SPINK9: variants seen among roughly 807,000 people sequenced by gnomAD.
SPINK9 encodes serine protease inhibitor Kazal-type 9.
Under a neutral mutation model 10.8 loss-of-function variants are expected in SPINK9, and 3 were observed. The observed-to-expected ratio is 0.28, with a 90% confidence interval of 0.13 to 0.72. SPINK9 has a LOEUF of 0.72. Among genes scored for constraint, SPINK9 ranks in the 30% least tolerant of loss-of-function variants. The pLI, the probability that SPINK9 is intolerant of heterozygous loss-of-function variation, is 0.74. For synonymous variants in SPINK9, 30 were observed against 31.2 expected, an observed-to-expected ratio of 0.96 and a Z score of 0.12; for missense variants, 101 against 103.2, an observed-to-expected ratio of 0.98 and a Z score of 0.09.
chr5:148,337,942 A>C (rs1030271270), intron 2 of SPINK9, among the ~76,000 whole-genome samples: 2 of 152,146 alleles, frequency 1.3e-5, no homozygotes, highest in African/African-American at 4.8e-5. Context: ...GTTCCCAACT[A>C]CAATATTAAG....
upstream of SPINK9, among the ~76,000 whole-genome samples, chr5:148,332,646 C>T (rs1233582230): frequency 1.3e-5 from 2 of 152,318 alleles, no homozygotes; most frequent in African/African-American, 2.4e-5. Flanking sequence ...GGCTTTCTCC[C>T]TCTTTTTCAG....
upstream of SPINK9, among the ~76,000 whole-genome samples, chr5:148,332,918 T>A (rs1757169147): frequency 6.6e-6 from 1 of 151,108 alleles, no homozygotes; most frequent in Admixed American, 6.6e-5. Context: ...CATCTTTACC[T>A]CACCTGAGAA....
At chr5:148,324,583 C>G (rs1251380048) in intron 2 of SPINK9, among the ~76,000 whole-genome samples, 1 of 151,958 alleles carries the variant, frequency 6.6e-6, no homozygotes, top group Non-Finnish European at 1.5e-5. Flanking sequence ...AGATATCAGA[C>G]AAACTCAAAT....
upstream of SPINK9, among the ~76,000 whole-genome samples, chr5:148,332,083 G>A (rs183901195): frequency 6.6e-6 from 1 of 152,322 alleles, no homozygotes; most frequent in South Asian, 2.1e-4. Context: ...GAGTACATAT[G>A]AAGTTCTTTG....
At chr5:148,329,051 A>G (rs1348192230) in intron 2 of SPINK9, among the ~76,000 whole-genome samples, 4 of 152,068 alleles carry the variant, frequency 2.6e-5, no homozygotes, top group South Asian at 2.1e-4. Context: ...CTCATTTTCT[A>G]TTGATTGGAA....
intron 2 of SPINK9, among the ~76,000 whole-genome samples, chr5:148,328,905 C>T (rs1451111652): frequency 2.6e-5 from 4 of 152,120 alleles, no homozygotes; most frequent in Admixed American, 2.0e-4. Flanking sequence ...TTCGGTTTGC[C>T]AGTATTTTAT....
chr5:148,323,030 C>A (rs536985750), intron 1 of SPINK9, among the ~76,000 whole-genome samples: 22 of 151,946 alleles, frequency 1.4e-4, no homozygotes, highest in African/African-American at 4.1e-4. Context: ...ATTTTAAAAC[C>A]CGCCTATAAG....
chr5:148,334,840 T>C (rs992972798), upstream of SPINK9, among the ~76,000 whole-genome samples: 2 of 152,056 alleles, frequency 1.3e-5, no homozygotes, highest in Admixed American at 6.6e-5. Context: ...TATGAGATGA[T>C]CAAATGAAGA....
upstream of SPINK9, among the ~76,000 whole-genome samples, chr5:148,332,734 T>C (rs983826389): frequency 1.3e-5 from 2 of 152,180 alleles, no homozygotes; most frequent in Non-Finnish European, 2.9e-5. Flanking sequence ...AGAGCTGGAC[T>C]CATCATAGAG....
chr5:148,327,106 T>C (rs1215994805), intron 2 of SPINK9, among the ~76,000 whole-genome samples: 4 of 152,178 alleles, frequency 2.6e-5, no homozygotes, highest in Non-Finnish European at 5.9e-5. Context: ...CCCACAATGG[T>C]TGAACTAGTT....
intron 2 of SPINK9, 98 bp downstream of exon 2, chr5:148,336,551 A>G: frequency 7.8e-7 from 1 of 1,288,916 alleles, no homozygotes. Flanking sequence ...ATGTTTGAAT[A>G]TTTACTTTAT....
At chr5:148,322,395 C>T (rs1056620231) in intron 1 of SPINK9, among the ~76,000 whole-genome samples, 2 of 152,060 alleles carry the variant, frequency 1.3e-5, no homozygotes, top group Non-Finnish European at 2.9e-5. Context: ...ACAAAATATA[C>T]GTCTTTACTT....
upstream of SPINK9, among the ~76,000 whole-genome samples, chr5:148,334,282 T>G (rs1215549893): frequency 1.3e-5 from 2 of 152,080 alleles, no homozygotes; most frequent in African/African-American, 4.8e-5. Context: ...TTAGTAGGAT[T>G]CTTTACTAAA....
chr5:148,323,778 T>G (rs779523631), exon 2 of SPINK9: 1 of 701,180 alleles, frequency 1.4e-6, no homozygotes, highest in East Asian at 2.7e-5. Context: ...TTCTCATCAT[T>G]GTTTTCATTA....
upstream of SPINK9, among the ~76,000 whole-genome samples, chr5:148,330,584 C>T (rs1338751179): frequency 6.6e-6 from 1 of 152,164 alleles, no homozygotes; most frequent in African/African-American, 2.4e-5. Flanking sequence ...TTAGTTGATG[C>T]AGTTTCTTCC....
At chr5:148,327,845 G>A (rs1481705802) in intron 2 of SPINK9, among the ~76,000 whole-genome samples, 1 of 152,146 alleles carries the variant, frequency 6.6e-6, no homozygotes, top group Non-Finnish European at 1.5e-5. Flanking sequence ...TGAGGGCTCT[G>A]TTCTGTCCCA....
rs199901121 is a variant in SPINK9, at chr5:148,338,613, T to G, written c.215+8T>G. 3 of 1,550,918 alleles carry G rather than the reference T, an allele frequency of 1.9e-6. No homozygotes were observed. The highest frequency in any genetic ancestry group is 1.8e-6 in the Non-Finnish European group (2 of 1,135,786). On this transcript the variant is annotated splice_region_variant and intron_variant, in intron 3 of 3. Coordinates refer to ENST00000377906, the MANE Select transcript of SPINK9 (RefSeq NM_001040433.2). Reference sequence around the variant, plus strand: ...CTTCTGTTCTAAAGTTAAGTAAGTATTAAAATGTTTTCTTTTTCATATTTA... The same window carrying G: ...CTTCTGTTCTAAAGTTAAGTAAGTAGTAAAATGTTTTCTTTTTCATATTTA...
intron 2 of SPINK9, among the ~76,000 whole-genome samples, chr5:148,329,665 C>T (rs1435114163): frequency 2.0e-5 from 3 of 152,142 alleles, no homozygotes; most frequent in Admixed American, 6.5e-5. Flanking sequence ...TCCCTCTACA[C>T]ACTGCTTTGA....
chr5:148,327,518 C>T (rs960483689), intron 2 of SPINK9, among the ~76,000 whole-genome samples: 3 of 152,152 alleles, frequency 2.0e-5, no homozygotes, highest in Admixed American at 6.5e-5. Context: ...AATTAGTTGC[C>T]ATTTGTCAAT....
Sources: allele counts gnomAD v4.1 joint callset (sites outside exome capture counted in the v4.1 genomes callset), GRCh38; gene constraint gnomAD v4.1.1; transcripts MANE v1.5; gene names NCBI Gene and HGNC (gene_info 2026-07-23, HGNC 2026-07-21).